Variants in PXDN observed in about 807,000 individuals in gnomAD.
The protein encoded by PXDN is peroxidasin, also known as peroxidasin homolog.
PXDN carries 77 observed loss-of-function variants against 140.3 expected under a neutral mutation model. The ratio of observed to expected loss-of-function variants is 0.55; its 90% CI spans 0.46 to 0.66. The LOEUF (loss-of-function observed/expected upper bound fraction) is 0.66. PXDN is among the 30% of genes least tolerant of loss of function. The pLI is 0.00. For synonymous variants in PXDN, 911 were observed against 857.4 expected (o/e 1.06, Z -1.09); for missense variants, 1,838 against 2,039.5 (o/e 0.90, Z 1.90).
Position 1,649,600 on chromosome 2 carries a change from C to T in PXDN, c.2180G>A (p.Arg727Gln), listed in dbSNP as rs748238090. 3.1e-6 allele frequency: 5 copies of T among 1,613,872 alleles called. No homozygotes were observed. Among genetic ancestry groups the T allele is most frequent in the Admixed American group, 1.7e-5 (1 of 60,000 alleles). ...IANLSGCTAHRRVNNCSDMCF... is the reference protein window; with the variant it reads ...IANLSGCTAHQRVNNCSDMCF... ...CATGTCCGAGCAGTTGTTCACGCGC[C>T]GGTGGGCGGTACAGCCCGACAGGTT... is the stretch of plus-strand genomic sequence containing the variant. Residue 727 changes from arginine to glutamine, a missense_variant, in exon 17 of 23, where the codon CGG becomes CAG. Physicochemically the swap from Arg to Gln is conservative, Grantham distance 43. Coordinates refer to ENST00000252804, the MANE Select transcript of PXDN (RefSeq NM_012293.3). The surrounding 1 kb of genome is among the most constrained non-coding windows in gnomAD (Gnocchi z 7.1).
intron 14 of PXDN, among the ~76,000 whole-genome samples, chr2:1,655,859 C>A (rs1202238262): frequency 6.6e-6 from 1 of 151,656 alleles, no homozygotes; most frequent in Admixed American, 6.6e-5. Flanking sequence ...TGCAGATACA[C>A]ACAAAAATCA....
chr2:1,667,527 C>T (rs1001943698), intron 9 of PXDN, among the ~76,000 whole-genome samples: 28 of 152,118 alleles, frequency 1.8e-4, no homozygotes, highest in African/African-American at 6.5e-4. Flanking sequence ...TGTTTGCAGA[C>T]GACATGATTG....
At chr2:1,731,085 T>G (rs1285091458) in intron 1 of PXDN, among the ~76,000 whole-genome samples, 1 of 152,078 alleles carries the variant, frequency 6.6e-6, no homozygotes, top group East Asian at 1.9e-4. Context: ...CACAGACCTC[T>G]CTGAAAAGTG....
At chr2:1,642,763 C>G (rs559098338) in intron 19 of PXDN, among the ~76,000 whole-genome samples, 23 of 152,344 alleles carry the variant, frequency 1.5e-4, no homozygotes, top group Non-Finnish European at 2.6e-4. Context: ...CACAGCAGGC[C>G]ACTGACGCCT....
intron 1 of PXDN, among the ~76,000 whole-genome samples, chr2:1,737,930 T>C (rs1685456968): frequency 6.6e-6 from 1 of 152,204 alleles, no homozygotes; most frequent in African/African-American, 2.4e-5. Flanking sequence ...ACCAGTTATA[T>C]TACTTTAGCA....
intron 1 of PXDN, among the ~76,000 whole-genome samples, chr2:1,708,991 C>T (rs1055622210): frequency 4.6e-5 from 7 of 152,172 alleles, no homozygotes; most frequent in African/African-American, 1.2e-4. Flanking sequence ...ACAGACAGCA[C>T]GGTGACAGGC....
At chr2:1,737,546 C>T (rs1042394570) in intron 1 of PXDN, among the ~76,000 whole-genome samples, 2 of 149,936 alleles carry the variant, frequency 1.3e-5, no homozygotes, top group Non-Finnish European at 1.5e-5. Context: ...CTATTCTTTT[C>T]TTTTTTTTTT....
At chr2:1,720,835 C>G (rs1249316631) in intron 1 of PXDN, among the ~76,000 whole-genome samples, 1 of 152,164 alleles carries the variant, frequency 6.6e-6, no homozygotes. Flanking sequence ...TGACCTGGTC[C>G]TCCCGGACCG....
At chr2:1,699,562 T>G (rs1684374103) in intron 1 of PXDN, among the ~76,000 whole-genome samples, 1 of 151,992 alleles carries the variant, frequency 6.6e-6, no homozygotes, top group South Asian at 2.1e-4. Flanking sequence ...TACAAAAAAT[T>G]AGCTGGGCGT....
At chr2:1,673,476 A>G (rs1683623921) in intron 9 of PXDN, among the ~76,000 whole-genome samples, 167 bp downstream of exon 9, 1 of 152,176 alleles carries the variant, frequency 6.6e-6, no homozygotes, top group South Asian at 2.1e-4. Flanking sequence ...CTCATGGATC[A>G]TCTACGACCC....
intron 7 of PXDN, among the ~76,000 whole-genome samples, chr2:1,679,793 GGTGTGTGTAAATGGT>G (rs1449515482): frequency 8.3e-4 from 115 of 138,458 alleles, no homozygotes; most frequent in South Asian, 1.6e-3. Context: ...GTCTATAAAT[GGTGTGTGTAAATGGT>G]GTGTGTGTAA....
At position 1,685,246 on chromosome 2, in the gene PXDN, G is replaced by T. The variant is rs373298304; in HGVS notation, c.417-1095C>A. Among the ~76,000 whole-genome samples the T allele has an allele frequency of 6.6e-6, 1 of 152,216 alleles. No individual in the cohort carries two copies. Among genetic ancestry groups the T allele is most frequent in the Admixed American group, 6.5e-5 (1 of 15,292 alleles). ...GCAGACCATCCCTGCCCCTTGCCCC[G>T]GGACAGGTCTGTGCTCAGCACTCCG... is the stretch of plus-strand genomic sequence containing the variant. On this transcript the variant is annotated intron_variant, in intron 4 of 22. Coordinates refer to ENST00000252804, the MANE Select transcript of PXDN (RefSeq NM_012293.3). This position sits in a 1 kb window ranked among gnomAD's most constrained non-coding sequence, Gnocchi z 5.1.
At chr2:1,653,853 C>T (rs1011871568) in intron 15 of PXDN, 68 bp from the exon 16 acceptor site, 204 of 1,417,006 alleles carry the variant, frequency 1.4e-4, no homozygotes, top group Non-Finnish European at 1.8e-4. Context: ...TCATAGTACC[C>T]CAAAATATAA....
In PXDN at chr2:1,639,277, C is replaced by A. The variant is rs538304764; in HGVS notation, c.4073+25G>T. ...GCGGTGCGAGGGCCCCTCTGCACAT[C>A]ATTTGACCTCAGAGACCACCATACC... On this transcript the variant is annotated intron_variant, in intron 20 of 22. Transcript: ENST00000252804. The surrounding 1 kb of genome is among the most constrained non-coding windows in gnomAD (Gnocchi z 5.0). The A allele has an allele frequency of 1.2e-6, 2 of 1,603,348 alleles. No individual in the cohort carries two copies. Among genetic ancestry groups the A allele is most frequent in the African/African-American group, 2.7e-5 (2 of 74,860 alleles).
intron 13 of PXDN, 125 bp from the exon 14 acceptor site, chr2:1,661,162 C>T (rs1683295651): frequency 8.7e-7 from 1 of 1,144,732 alleles, no homozygotes. Flanking sequence ...CCAGGCTGCG[C>T]TCAGATCCAT....
chr2:1,690,080 T>G (rs1330426341), intron 3 of PXDN, among the ~76,000 whole-genome samples: 2 of 152,208 alleles, frequency 1.3e-5, no homozygotes, highest in African/African-American at 4.8e-5. Flanking sequence ...AATCACAGCA[T>G]TTAACTCTCA....
At chr2:1,678,081 G>A (rs1683771292) in intron 7 of PXDN, among the ~76,000 whole-genome samples, 1 of 152,132 alleles carries the variant, frequency 6.6e-6, no homozygotes, top group Non-Finnish European at 1.5e-5. Flanking sequence ...CGGGTCAGGA[G>A]GCTGGGGCGG....
At position 1,674,524 on chromosome 2, in the gene PXDN, C is replaced by T. The variant is rs532621714; in HGVS notation, c.849-712G>A. ...CAGTCCTCGGGCAGCAAGGACCTCC[C>T]CTGGGGCCATGCTGCATCACACACA... On this transcript the variant is annotated intron_variant, in intron 8 of 22. Transcript: ENST00000252804. Among the ~76,000 whole-genome samples, 8 of 152,318 alleles carry T rather than the reference C, an allele frequency of 5.3e-5. No individual in the cohort carries two copies. In the South Asian group the frequency reaches 1.0e-3, roughly 20 times the overall value.
rs1433520449 is a variant in PXDN, at chr2:1,685,580, A to G, written c.417-1429T>C. ...AGGCAGGCAGGGGTGGAGTCCCCCA[A>G]GCAAAGCCCAGAAGGATGAGGAGGT... On this transcript the variant is annotated intron_variant, in intron 4 of 22. Transcript: ENST00000252804. This position sits in a 1 kb window ranked among gnomAD's most constrained non-coding sequence, Gnocchi z 5.1. Among the ~76,000 whole-genome samples the G allele has an allele frequency of 1.3e-5, 2 of 152,100 alleles. No individual in the cohort carries two copies. The highest frequency in any genetic ancestry group is 6.5e-5 in the Admixed American group (1 of 15,278).
Sources: allele counts gnomAD v4.1 joint callset (sites outside exome capture counted in the v4.1 genomes callset), GRCh38; gene constraint gnomAD v4.1.1; non-coding constraint Gnocchi (gnomAD v3.1); transcripts MANE v1.5; gene names NCBI Gene and HGNC (gene_info 2026-07-23, HGNC 2026-07-21).